The following URB1 variants were observed in gnomAD, a reference collection of about 807,000 sequenced individuals.
The protein encoded by URB1 is nucleolar pre-ribosomal-associated protein 1.
A neutral mutation model predicts 242.3 loss-of-function variants in URB1; 197 were observed. That is an observed-to-expected ratio of 0.81 (90% CI 0.72 to 0.91). The LOEUF is 0.91. Among genes scored for constraint, URB1 ranks in the 40% least tolerant of loss-of-function variants. The probability of loss-of-function intolerance (pLI) is 0.00; values close to 1 mark genes in which losing one functional copy is unlikely to be tolerated. For synonymous variants in URB1, 1,153 were observed against 1,201.8 expected, an observed-to-expected ratio of 0.96 and a Z score of 0.84; for missense variants, 2,721 against 2,860.5, an observed-to-expected ratio of 0.95 and a Z score of 1.11.
At chr21:32,381,588 C>T (rs1210417421) in intron 4 of URB1, among the ~76,000 whole-genome samples, 7 of 152,010 alleles carry the variant, frequency 4.6e-5, no homozygotes, top group Non-Finnish European at 8.8e-5. Flanking sequence ...GTTTGGATCC[C>T]GATCTGAATC....
At chr21:32,380,395 CCT>C (rs1382178790) in intron 4 of URB1, among the ~76,000 whole-genome samples, 1 of 152,220 alleles carries the variant, frequency 6.6e-6, no homozygotes, top group Non-Finnish European at 1.5e-5. Context: ...TTCAAACTAT[CCT>C]CTCTGTTCTG....
chr21:32,332,947 A>C (rs1298646123), intron 30 of URB1, among the ~76,000 whole-genome samples: 5 of 152,216 alleles, frequency 3.3e-5, no homozygotes, highest in Non-Finnish European at 5.9e-5. Context: ...AGCCAAGAAA[A>C]AGGCAACCTC....
At chr21:32,378,714 G>A (rs1389565912) in intron 4 of URB1, among the ~76,000 whole-genome samples, 173 bp from the exon 5 acceptor site, 1 of 152,176 alleles carries the variant, frequency 6.6e-6, no homozygotes, top group Middle Eastern at 3.2e-3. Context: ...TCCATGGAAA[G>A]TAAAAAATTT....
chr21:32,362,498 G>T (rs764750644), intron 11 of URB1, among the ~76,000 whole-genome samples: 2 of 152,104 alleles, frequency 1.3e-5, no homozygotes, highest in Non-Finnish European at 2.9e-5. Flanking sequence ...GTGAGCCACC[G>T]CGCCCAACCA....
In URB1 at chr21:32,353,991, T is replaced by C. The variant is rs769066642; in HGVS notation, c.2358A>G (p.Val786=). ...TCCTGGCTTCCAGGGCCGCAGGGAC[T>C]ACCGCACTGAATGGGAACGTGAGCA... ...MILLTFPFSA[V]VPAALEARNK... The change falls in exon 18 of 39, where the codon GTA becomes GTG. Residue 786 remains valine (V), a synonymous_variant. Coordinates refer to ENST00000382751, the MANE Select transcript of URB1 (RefSeq NM_014825.3). 3.5e-5 allele frequency: 55 copies of C among 1,551,690 alleles called. No homozygotes were observed. Among genetic ancestry groups the C allele is most frequent in the Non-Finnish European group, 4.0e-5 (46 of 1,147,032 alleles).
intron 38 of URB1, among the ~76,000 whole-genome samples, chr21:32,316,060 C>A (rs370933805): frequency 4.9e-4 from 75 of 152,346 alleles, no homozygotes; most frequent in African/African-American, 1.7e-3. Context: ...TGCACACACA[C>A]GCGCATGCAC....
intron 11 of URB1, 39 bp from the exon 12 acceptor site, chr21:32,362,060 A>T: frequency 6.5e-7 from 1 of 1,547,632 alleles, no homozygotes; most frequent in South Asian, 1.2e-5. Context: ...GTTGTAGTCA[A>T]CCACAAAGGG....
chr21:32,319,539 G>C, intron 35 of URB1, 125 bp from the exon 36 acceptor site: 1 of 1,021,958 alleles, frequency 9.8e-7, no homozygotes, highest in Non-Finnish European at 1.3e-6. Context: ...GTAAAAACAG[G>C]GTGCTTGCTA....
chr21:32,346,453 C>T (rs992725323), intron 22 of URB1, among the ~76,000 whole-genome samples: 1 of 152,134 alleles, frequency 6.6e-6, no homozygotes, highest in Non-Finnish European at 1.5e-5. Flanking sequence ...TAAAAATCAC[C>T]CATGCATTCA....
chr21:32,377,953 A>T (rs2033477885), intron 5 of URB1, among the ~76,000 whole-genome samples: 1 of 152,190 alleles, frequency 6.6e-6, no homozygotes, highest in Non-Finnish European at 1.5e-5. Flanking sequence ...AGATTAAATG[A>T]TGCCAAGCCT....
chr21:32,363,689 T>A (rs938223967), intron 10 of URB1, among the ~76,000 whole-genome samples: 6 of 151,968 alleles, frequency 3.9e-5, no homozygotes, highest in Admixed American at 3.3e-4. Flanking sequence ...TGAGTCAGGG[T>A]CTCACTCTGT....
chr21:32,315,482 T>C (rs1265641150), intron 38 of URB1, among the ~76,000 whole-genome samples: 1 of 152,020 alleles, frequency 6.6e-6, no homozygotes, highest in Non-Finnish European at 1.5e-5. Flanking sequence ...CCCGGCTAAT[T>C]TTTGTAGAGA....
At chr21:32,368,304 G>T in intron 9 of URB1, 99 bp downstream of exon 9, 1 of 1,128,400 alleles carries the variant, frequency 8.9e-7, no homozygotes, top group Non-Finnish European at 1.2e-6. Flanking sequence ...CTGACCTCAG[G>T]TAATCCGCCT....
At chr21:32,363,733 C>G (rs1411946647) in intron 10 of URB1, among the ~76,000 whole-genome samples, 3 of 152,162 alleles carry the variant, frequency 2.0e-5, no homozygotes, top group African/African-American at 7.2e-5. Flanking sequence ...GCGATCATAG[C>G]TCACCGCAGC....
rs1186174926 is a variant in URB1 at position 32,350,900 on chromosome 21, G to C, written c.2636C>G (p.Pro879Arg). The C allele has an allele frequency of 1.9e-6, 3 of 1,547,932 alleles. No individual in the cohort carries two copies. The highest frequency in any genetic ancestry group is 4.9e-5 in the East Asian group (2 of 40,904). Residue 879 changes from proline to arginine, a missense_variant, in exon 20 of 39, where the codon CCC becomes CGC. By Grantham distance (103) the Pro-to-Arg change is moderately radical. Transcript: ENST00000382751. ...GGCCAAGGGAAGGGCAGGGGGCGAG[G>C]GGCTGCCCTGTGCCTGCAGCAGCTG... ...EAWLLQAQGS[P>R]SPPALPLASS... is the part of the protein sequence containing the mutation.
At chr21:32,338,231 T>C (rs1447483217) in intron 26 of URB1, among the ~76,000 whole-genome samples, 1 of 152,218 alleles carries the variant, frequency 6.6e-6, no homozygotes, top group Non-Finnish European at 1.5e-5. Flanking sequence ...AAGTGAATCC[T>C]TACTGAATTA....
chr21:32,324,600 T>C lies in URB1; in HGVS notation c.5124A>G (p.Leu1708=), dbSNP rs1362096562. 6.5e-7 allele frequency: 1 copy of C among 1,550,074 alleles called. No homozygotes were observed. Among genetic ancestry groups the C allele is most frequent in the Non-Finnish European group, 8.7e-7 (1 of 1,145,620 alleles). Residue 1708 remains leucine, a splice_region_variant and synonymous_variant, in exon 32 of 39, where the codon CTA becomes CTG. Coordinates refer to ENST00000382751, the MANE Select transcript of URB1 (RefSeq NM_014825.3). Reference sequence around the variant, plus strand: ...TCCGGACTACATCCAACAGGTAAAGTAGCTTGAAAACAGAACAGAAAAGGA... The same window carrying C: ...TCCGGACTACATCCAACAGGTAAAGCAGCTTGAAAACAGAACAGAAAAGGA... The part of the protein sequence containing the change: ...EGARFQEQSQ[L]LYLLDVVRNG...
At chr21:32,378,206 T>C (rs757821023) in intron 5 of URB1, among the ~76,000 whole-genome samples, 5 of 152,210 alleles carry the variant, frequency 3.3e-5, no homozygotes, top group African/African-American at 7.2e-5. Context: ...TGTGACGGCA[T>C]TGTTCAGCAT....
chr21:32,312,431 C>A lies in URB1; in HGVS notation c.*2487G>T. ...TCCAAGCTCCACTAACACCCGCCGG[C>A]TCCCCCAGATGTGATGGCATCTGCC... is the stretch of plus-strand genomic sequence containing the variant. On this transcript the variant is annotated 3_prime_UTR_variant, in exon 39 of 39. Transcript: ENST00000382751. 2.7e-6 allele frequency: 2 copies of A among 744,116 alleles called. No homozygotes were observed. Among genetic ancestry groups the A allele is most frequent in the East Asian group, 7.1e-5 (1 of 14,008 alleles). The allele number at this position is 744,116 out of a possible 1,614,324, so 46.1% of individuals were successfully genotyped here. A position where few individuals can be genotyped will look rare whatever the true frequency, so the allele number is the denominator to read the frequency against.
Sources: allele counts gnomAD v4.1 joint callset (sites outside exome capture counted in the v4.1 genomes callset), GRCh38; gene constraint gnomAD v4.1.1; transcripts MANE v1.5; gene names NCBI Gene and HGNC (gene_info 2026-07-23, HGNC 2026-07-21).